Variants in KCNQ1 observed in about 807,000 individuals in gnomAD.
KCNQ1 encodes potassium voltage-gated channel subfamily Q member 1, also known as potassium voltage-gated channel subfamily KQT member 1.
A neutral mutation model predicts 72.4 loss-of-function variants in KCNQ1; 49 were observed. The observed-to-expected ratio is 0.68, with a 90% confidence interval of 0.54 to 0.86. KCNQ1 has a LOEUF of 0.86. Ranked by LOEUF, KCNQ1 falls within the 40% of genes least tolerant of loss-of-function variation. The pLI is 0.00. For missense variants in KCNQ1, 790 were observed against 945.1 expected, an observed-to-expected ratio of 0.84 and a Z score of 2.15; for synonymous variants, 450 against 412.6, an observed-to-expected ratio of 1.09 and a Z score of -1.10.
chr11:2,631,294 C>T (rs1849348888), intron 10 of KCNQ1: 3 of 398,322 alleles, frequency 7.5e-6, no homozygotes, highest in Admixed American at 4.4e-5. Context: ...TATTTTTCTC[C>T]TCTACTGGTT....
At chr11:2,648,023 G>T (rs1488508296) in intron 10 of KCNQ1, 8 of 394,616 alleles carry the variant, frequency 2.0e-5, no homozygotes, top group South Asian at 1.4e-4. Flanking sequence ...AGACCAGCCT[G>T]AGCAACATGG....
rs998204287 is a variant in KCNQ1 at position 2,750,976 on chromosome 11, C to T, written c.1515-17868C>T. ...CCTCTGTCTGTGCACCCACCCAGCC[C>T]CTCCTGGGAAAAAGCCAGGACAAAG... On this transcript the variant is annotated intron_variant, in intron 11 of 15. Coordinates refer to ENST00000155840, the MANE Select transcript of KCNQ1 (RefSeq NM_000218.3). This position sits in a 1 kb window ranked among gnomAD's most constrained non-coding sequence, Gnocchi z 6.3. Among the ~76,000 whole-genome samples, 1 of 152,156 alleles carries T rather than the reference C, an allele frequency of 6.6e-6. No individual in the cohort carries two copies. The highest frequency in any genetic ancestry group is 1.5e-5 in the Non-Finnish European group (1 of 68,034).
Position 2,498,754 on chromosome 11 carries a change from T to G in KCNQ1, c.387-29174T>G, listed in dbSNP as rs917426797. Among the ~76,000 whole-genome samples, 2 of 152,170 alleles carry G rather than the reference T, an allele frequency of 1.3e-5. No individual in the cohort carries two copies. The highest frequency in any genetic ancestry group is 4.8e-5 in the African/African-American group (2 of 41,426). ...GTACAGAAAAAACTCCTGCAGCTAG[T>G]TCAATGTCTGTCCAAACAGCAACTC... On this transcript the variant is annotated intron_variant, in intron 1 of 15. Transcript: ENST00000155840. The surrounding 1 kb of genome is among the most constrained non-coding windows in gnomAD (Gnocchi z 4.8).
At chr11:2,536,000 AC>A (rs1184984557) in intron 2 of KCNQ1, among the ~76,000 whole-genome samples, 10 of 151,964 alleles carry the variant, frequency 6.6e-5, no homozygotes, top group African/African-American at 2.4e-4. Flanking sequence ...TGGCATGAAG[AC>A]CCGGTGGTTC....
At chr11:2,742,577 CA>C (rs1470784613) in intron 11 of KCNQ1, among the ~76,000 whole-genome samples, 1 of 152,236 alleles carries the variant, frequency 6.6e-6, no homozygotes, top group Non-Finnish European at 1.5e-5. Context: ...CTGAATCAAT[CA>C]GGGGCAGAAA....
At chr11:2,570,876 G>C in intron 3 of KCNQ1, 122 bp downstream of exon 3, 1 of 1,388,230 alleles carries the variant, frequency 7.2e-7, no homozygotes, top group Non-Finnish European at 1.0e-6. Flanking sequence ...CCAGCAGGGG[G>C]TGACTGCCCA....
At position 2,767,803 on chromosome 11, in the gene KCNQ1, G is replaced by A. The variant is rs868095415; in HGVS notation, c.1515-1041G>A. 5.3e-5 allele frequency among the ~76,000 whole-genome samples: 8 copies of A among 152,232 alleles called. No individual in the cohort carries two copies. Among genetic ancestry groups the A allele is most frequent in the African/African-American group, 9.7e-5 (4 of 41,448 alleles). On this transcript the variant is annotated intron_variant, in intron 11 of 15. Coordinates refer to ENST00000155840, the MANE Select transcript of KCNQ1 (RefSeq NM_000218.3). This position sits in a 1 kb window ranked among gnomAD's most constrained non-coding sequence, Gnocchi z 4.6. ...CAGTTTCTGTGATTCTCACCCACCC[G>A]TGTGGCTTAGGAATTCACAAGTGTT...
intron 11 of KCNQ1, among the ~76,000 whole-genome samples, chr11:2,709,220 G>GCCCCCCCCCCCCCCCCCCCCCCCC (rs34617956): frequency 2.3e-5 from 3 of 130,140 alleles, no homozygotes; most frequent in African/African-American, 9.1e-5. Flanking sequence ...CGGCTTCCAG[G>GCCCCCCCCCCCCCCCCCCCCCCCC]CCCCCCCCAC....
chr11:2,525,586 G>A (rs1271449110), intron 1 of KCNQ1, among the ~76,000 whole-genome samples: 4 of 152,220 alleles, frequency 2.6e-5, no homozygotes, highest in Non-Finnish European at 4.4e-5. Context: ...TGGAAGCACC[G>A]CGTTTGCAAA....
chr11:2,773,385 A>G (rs1447147284), intron 12 of KCNQ1, among the ~76,000 whole-genome samples: 3 of 152,198 alleles, frequency 2.0e-5, no homozygotes, highest in African/African-American at 7.2e-5. Context: ...GACAGGGCTC[A>G]GCGTCCAATC....
At chr11:2,581,444 T>A (rs1014324940) in intron 6 of KCNQ1, among the ~76,000 whole-genome samples, 1 of 152,314 alleles carries the variant, frequency 6.6e-6, no homozygotes, top group Non-Finnish European at 1.5e-5. Flanking sequence ...AGCCTGTGCA[T>A]GTGGGTGCAG....
At chr11:2,843,811 C>T (rs1279117846) in intron 15 of KCNQ1, among the ~76,000 whole-genome samples, 2 of 152,240 alleles carry the variant, frequency 1.3e-5, no homozygotes, top group Non-Finnish European at 2.9e-5. Context: ...GCTTTTTTCT[C>T]TTCCGAGGGC....
At chr11:2,689,864 C>T (rs767447837) in intron 11 of KCNQ1, 1 of 398,720 alleles carries the variant, frequency 2.5e-6, no homozygotes, top group Non-Finnish European at 4.4e-6. Context: ...AGCACCCACC[C>T]CTGCCTATCC....
chr11:2,676,420 G>A lies in KCNQ1; in HGVS notation c.1514+14339G>A. The A allele has an allele frequency of 2.5e-6, 1 of 398,652 alleles. No homozygotes were observed. Among genetic ancestry groups the A allele is most frequent in the South Asian group, 1.3e-4 (1 of 7,864 alleles). The allele number at this position is 398,652 out of a possible 1,614,324, so 24.7% of individuals were successfully genotyped here. A position where few individuals can be genotyped will look rare whatever the true frequency, so the allele number is the denominator to read the frequency against. Reference sequence around the variant, plus strand: ...AGCTAGAGATTTAGCCCAATGGGCTGGGCTTTTCCCAGATAGGACATGCTC... The same window carrying A: ...AGCTAGAGATTTAGCCCAATGGGCTAGGCTTTTCCCAGATAGGACATGCTC... On this transcript the variant is annotated intron_variant, in intron 11 of 15. Coordinates refer to ENST00000155840, the MANE Select transcript of KCNQ1 (RefSeq NM_000218.3). The surrounding 1 kb of genome is among the most constrained non-coding windows in gnomAD (Gnocchi z 4.2).
chr11:2,523,751 G>GTTTTTTTTTTTTTTTT (rs59766245), intron 1 of KCNQ1, among the ~76,000 whole-genome samples: 2 of 115,150 alleles, frequency 1.7e-5, no homozygotes, highest in Non-Finnish European at 3.4e-5. Flanking sequence ...GAAGTTTACA[G>GTTTTTTTTTTTTTTTT]TTTTTTTTTT....
At chr11:2,646,017 C>T (rs1849660193) in intron 10 of KCNQ1, 1 of 398,520 alleles carries the variant, frequency 2.5e-6, no homozygotes, top group Non-Finnish European at 4.4e-6. Flanking sequence ...ACTAGGGGCT[C>T]ACTTACTTAC....
At chr11:2,806,675 C>T (rs1364917540) in intron 15 of KCNQ1, among the ~76,000 whole-genome samples, 1 of 152,238 alleles carries the variant, frequency 6.6e-6, no homozygotes, top group Non-Finnish European at 1.5e-5. Context: ...GGGGGATCCC[C>T]ATTCATTCTC....
chr11:2,762,998 G>A lies in KCNQ1; in HGVS notation c.1515-5846G>A, dbSNP rs1233376456. Among the ~76,000 whole-genome samples, 5 of 152,162 alleles carry A rather than the reference G, an allele frequency of 3.3e-5. No homozygotes were observed. The highest frequency in any genetic ancestry group is 6.5e-5 in the Admixed American group (1 of 15,272). ...TCTGACTTTGTTGTTCTTCAAGATC[G>A]TCTTGGCTATTCTTGGCCCTTCACG... On this transcript the variant is annotated intron_variant, in intron 11 of 15. Coordinates refer to ENST00000155840, the MANE Select transcript of KCNQ1 (RefSeq NM_000218.3). This position sits in a 1 kb window ranked among gnomAD's most constrained non-coding sequence, Gnocchi z 4.3.
Position 2,559,073 on chromosome 11 carries a change from G to T in KCNQ1, c.478-11555G>T, listed in dbSNP as rs1848117859. The stretch of plus-strand genomic sequence containing the variant: ...AGCTACGGACAAGGGGCAAGGTGGG[G>T]CTGGAGGCACCGGCTCAGCAAGAGG... On this transcript the variant is annotated intron_variant, in intron 2 of 15. Coordinates refer to ENST00000155840, the MANE Select transcript of KCNQ1 (RefSeq NM_000218.3). The surrounding 1 kb of genome is among the most constrained non-coding windows in gnomAD (Gnocchi z 4.9). Among the ~76,000 whole-genome samples, 1 of 152,132 alleles carries T rather than the reference G, an allele frequency of 6.6e-6. No homozygotes were observed. The highest frequency in any genetic ancestry group is 6.5e-5 in the Admixed American group (1 of 15,284).
Sources: gnomAD v4.1 joint callset for allele counts (sites outside exome capture counted in the v4.1 genomes callset) on GRCh38, gnomAD v4.1.1 for gene constraint, Gnocchi (gnomAD v3.1) non-coding constraint, MANE v1.5 for transcripts, NCBI Gene and HGNC (gene_info 2026-07-23, HGNC 2026-07-21) for gene names.